Variants in MAP3K5 observed in about 807,000 individuals in gnomAD.
MAP3K5 encodes ASK-1.
A neutral mutation model predicts 158.7 loss-of-function variants in MAP3K5; 56 were observed. That is an observed-to-expected ratio of 0.35 (90% confidence interval 0.28 to 0.44). The LOEUF is 0.44. Ranked by LOEUF, MAP3K5 falls within the 20% of genes least tolerant of loss-of-function variation. The probability of loss-of-function intolerance (pLI) is 1.00; values close to 1 mark genes in which losing one functional copy is unlikely to be tolerated. For synonymous variants in MAP3K5, 579 were observed against 601.7 expected (o/e 0.96, Z 0.55); for missense variants, 1,294 against 1,674.8 (o/e 0.77, Z 3.97).
chr6:136,679,589 G>C (rs1393908419), intron 7 of MAP3K5, among the ~76,000 whole-genome samples: 3 of 152,106 alleles, frequency 2.0e-5, no homozygotes, highest in African/African-American at 7.2e-5. Context: ...CTACTTATTT[G>C]TGTACATATC....
intron 19 of MAP3K5, among the ~76,000 whole-genome samples, chr6:136,604,956 G>A (rs919346331): frequency 3.9e-5 from 6 of 152,096 alleles, no homozygotes; most frequent in African/African-American, 7.2e-5. Context: ...TTTATACTGC[G>A]TTGTTAAAAG....
intron 1 of MAP3K5, among the ~76,000 whole-genome samples, chr6:136,770,384 A>C (rs1784149148): frequency 1.3e-5 from 2 of 152,210 alleles, no homozygotes; most frequent in Admixed American, 1.3e-4. Flanking sequence ...CATACAAATA[A>C]CTGATATATT....
intron 7 of MAP3K5, among the ~76,000 whole-genome samples, chr6:136,681,902 G>T (rs978683073): frequency 5.9e-5 from 9 of 152,100 alleles, no homozygotes; most frequent in Non-Finnish European, 1.0e-4. Context: ...CTGGGCAACA[G>T]AGCAAGACTC....
In MAP3K5 at chr6:136,755,716, G is replaced by A. The variant is rs112293155; in HGVS notation, c.449-35127C>T. 3.8e-3 allele frequency among the ~76,000 whole-genome samples: 556 copies of A among 147,942 alleles called. 2 individuals are homozygous for A. Among genetic ancestry groups the A allele is most frequent in the African/African-American group, 0.014 (539 of 39,662 alleles). ...AAAAAAAAAAAAAAAAAAAGTTAAA[G>A]TTGAAAAGCTACTTTTTAATGACAA... is the stretch of plus-strand genomic sequence containing the variant. On this transcript the variant is annotated intron_variant, in intron 1 of 29. Transcript: ENST00000359015.
intron 14 of MAP3K5, among the ~76,000 whole-genome samples, chr6:136,634,639 G>A (rs994471178): frequency 2.0e-5 from 3 of 151,954 alleles, no homozygotes; most frequent in Non-Finnish European, 4.4e-5. Flanking sequence ...GAGTGCAGTG[G>A]TGCGATCTCG....
At chr6:136,713,775 T>C (rs372405033) in intron 2 of MAP3K5, among the ~76,000 whole-genome samples, 2 of 151,562 alleles carry the variant, frequency 1.3e-5, no homozygotes, top group African/African-American at 2.4e-5. Flanking sequence ...CCAGGAAGAG[T>C]AGAGTCCCAG....
intron 25 of MAP3K5, among the ~76,000 whole-genome samples, chr6:136,572,045 G>A (rs537135592): frequency 6.6e-6 from 1 of 152,158 alleles, no homozygotes; most frequent in African/African-American, 2.4e-5. Context: ...TAAACCCAGC[G>A]CTGATTGCAG....
At chr6:136,573,073 C>T (rs188087747) in intron 25 of MAP3K5, among the ~76,000 whole-genome samples, 79 of 152,214 alleles carry the variant, frequency 5.2e-4, no homozygotes, top group Non-Finnish European at 2.2e-4. Context: ...GCTGGTAAAA[C>T]ATTATTTTGG....
In MAP3K5 at chr6:136,613,630, T is replaced by G. The variant is rs80037889; in HGVS notation, c.2279-374A>C. On this transcript the variant is annotated intron_variant, in intron 16 of 29. Transcript: ENST00000359015. The surrounding 1 kb of genome is among the most constrained non-coding windows in gnomAD (Gnocchi z 4.0). Reference sequence around the variant, plus strand: ...ATGTGACTTTGTGGCCTGAGTCATATAGCATTCAGTTGTAACTTCTGATTC... The same window carrying G: ...ATGTGACTTTGTGGCCTGAGTCATAGAGCATTCAGTTGTAACTTCTGATTC... Among the ~76,000 whole-genome samples the G allele has an allele frequency of 6.6e-6, 1 of 152,204 alleles. No individual in the cohort carries two copies. Among genetic ancestry groups the G allele is most frequent in the Non-Finnish European group, 1.5e-5 (1 of 68,042 alleles).
chr6:136,690,352 G>C (rs1780334084), intron 7 of MAP3K5, among the ~76,000 whole-genome samples: 1 of 152,136 alleles, frequency 6.6e-6, no homozygotes, highest in South Asian at 2.1e-4. Flanking sequence ...GTAGAGAAAT[G>C]TCTAAGATTT....
At chr6:136,777,818 G>A (rs1784457980) in intron 1 of MAP3K5, among the ~76,000 whole-genome samples, 1 of 151,742 alleles carries the variant, frequency 6.6e-6, no homozygotes, top group Non-Finnish European at 1.5e-5. Flanking sequence ...CCCAGCCTTC[G>A]AATGCTTGGC....
intron 1 of MAP3K5, among the ~76,000 whole-genome samples, chr6:136,753,902 G>A (rs6908753): frequency 0.088 from 13,379 of 152,220 alleles, 1,951 homozygotes; most frequent in African/African-American, 0.3. Context: ...CTGAAGTGAC[G>A]AGCGCATTTC....
intron 21 of MAP3K5, among the ~76,000 whole-genome samples, chr6:136,599,668 T>C (rs1775792045): frequency 6.6e-6 from 1 of 152,164 alleles, no homozygotes; most frequent in African/African-American, 2.4e-5. Flanking sequence ...TTTTAGGATA[T>C]TATTTTATTT....
chr6:136,714,563 C>G (rs966141676), intron 2 of MAP3K5, among the ~76,000 whole-genome samples: 4 of 152,046 alleles, frequency 2.6e-5, no homozygotes, highest in African/African-American at 9.7e-5. Flanking sequence ...GAATAATATT[C>G]CATTATATGT....
intron 14 of MAP3K5, among the ~76,000 whole-genome samples, chr6:136,631,727 C>T (rs1777365521): frequency 6.6e-6 from 1 of 152,034 alleles, no homozygotes. Context: ...ATTGCTACAA[C>T]CTAATATTAA....
Position 136,792,124 on chromosome 6 carries a change from A to G in MAP3K5, c.34T>C (p.Ser12Pro). 1 of 1,583,678 alleles carries G rather than the reference A, an allele frequency of 6.3e-7. No homozygotes were observed. Residue 12 changes from serine (S) to proline (P), a missense_variant, in exon 1 of 30, where the codon TCT (serine) becomes CCT (proline). By Grantham distance (74) the Ser-to-Pro change is moderately conservative. Coordinates refer to ENST00000359015, the MANE Select transcript of MAP3K5 (RefSeq NM_005923.4). This position sits in a 1 kb window ranked among gnomAD's most constrained non-coding sequence, Gnocchi z 5.7. ...CCCGAGGGGGCGAAGGGTGGCACAGAGAAAGTGATGCCCTCGTCCGCCTCC... is the reference window on the plus strand; with the variant it reads ...CCCGAGGGGGCGAAGGGTGGCACAGGGAAAGTGATGCCCTCGTCCGCCTCC... Reference protein sequence around the residue: ...STEADEGITFSVPPFAPSGFC... With the variant: ...STEADEGITFPVPPFAPSGFC...
At chr6:136,733,754 A>G (rs1782330388) in intron 1 of MAP3K5, among the ~76,000 whole-genome samples, 1 of 147,002 alleles carries the variant, frequency 6.8e-6, no homozygotes, top group South Asian at 2.1e-4. Context: ...ATCCCCCACC[A>G]GAGTGGTACA....
intron 25 of MAP3K5, among the ~76,000 whole-genome samples, chr6:136,568,807 G>A (rs908342265): frequency 2.1e-5 from 3 of 142,294 alleles, no homozygotes; most frequent in Admixed American, 1.5e-4. Flanking sequence ...GTGGTGAGCC[G>A]AGATCATGCC....
chr6:136,645,517 G>C (rs1384541915), intron 11 of MAP3K5, among the ~76,000 whole-genome samples: 1 of 147,814 alleles, frequency 6.8e-6, no homozygotes, highest in Non-Finnish European at 1.5e-5. Context: ...CCCCCAAAAG[G>C]GGGGGAAATT....
Sources: allele counts gnomAD v4.1 joint callset (sites outside exome capture counted in the v4.1 genomes callset), GRCh38; gene constraint gnomAD v4.1.1; non-coding constraint Gnocchi (gnomAD v3.1); transcripts MANE v1.5; gene names NCBI Gene and HGNC (gene_info 2026-07-23, HGNC 2026-07-21).